PRKG1: variants seen among roughly 807,000 people sequenced by gnomAD.
The protein encoded by PRKG1 is protein kinase cGMP-dependent 1.
In PRKG1, 35 loss-of-function variants were observed where a neutral mutation model predicts 88.1. The ratio of observed to expected loss-of-function variants is 0.40; its 90% CI spans 0.30 to 0.53. PRKG1 has a LOEUF of 0.53. Ranked by LOEUF, PRKG1 falls within the 20% of genes least tolerant of loss-of-function variation. PRKG1 has a pLI of 0.59. For missense variants in PRKG1, 540 were observed against 839.8 expected (o/e 0.64, Z 4.41); for synonymous variants, 303 against 292.5 (o/e 1.04, Z -0.37).
At chr10:51,553,951 AAT>A (rs1481591839) in intron 3 of PRKG1, among the ~76,000 whole-genome samples, 1 of 130,220 alleles carries the variant, frequency 7.7e-6, no homozygotes, top group African/African-American at 3.0e-5. Flanking sequence ...ACGTGTATAT[AAT>A]ATATGTATGT....
rs567067649 is a variant in PRKG1 at position 51,671,649 on chromosome 10, C to T, written c.593-132936C>T. ...TCACCCAGGCTGGAGTGCAGTGGCA[C>T]GATTTCAGCTCACTGCAACCTCCAC... On this transcript the variant is annotated intron_variant, in intron 3 of 17. Transcript: ENST00000373980. Among the ~76,000 whole-genome samples, 4 of 151,052 alleles carry T rather than the reference C, an allele frequency of 2.6e-5. No homozygotes were observed. The South Asian group carries it at 6.3e-4, about 24-fold the overall frequency.
chr10:52,089,022 G>A (rs1017691605), intron 7 of PRKG1, among the ~76,000 whole-genome samples: 6 of 152,178 alleles, frequency 3.9e-5, no homozygotes, highest in African/African-American at 1.4e-4. Context: ...CAATGAACAC[G>A]TTATTTTTAG....
At chr10:51,314,505 T>C (rs934234401) in intron 2 of PRKG1, among the ~76,000 whole-genome samples, 2 of 152,242 alleles carry the variant, frequency 1.3e-5, no homozygotes, top group African/African-American at 4.8e-5. Context: ...AGCTAATTAC[T>C]AAGCAGTACA....
At chr10:52,195,633 GCT>G (rs1839484840) in intron 9 of PRKG1, among the ~76,000 whole-genome samples, 1 of 152,064 alleles carries the variant, frequency 6.6e-6, no homozygotes, top group African/African-American at 2.4e-5. Context: ...TTAAGCTAAG[GCT>G]TTTAAATTTG....
chr10:51,232,420 T>G (rs539847787), intron 2 of PRKG1, among the ~76,000 whole-genome samples: 14 of 152,302 alleles, frequency 9.2e-5, no homozygotes, highest in Middle Eastern at 3.4e-3. Context: ...TATGCTACTG[T>G]TTGAGATAGA....
intron 3 of PRKG1, among the ~76,000 whole-genome samples, chr10:51,543,047 T>G (rs1842350110): frequency 6.6e-6 from 1 of 152,168 alleles, no homozygotes; most frequent in Admixed American, 6.6e-5. Context: ...GAGTCAGATA[T>G]GTATTACTAC....
chr10:52,119,468 C>T (rs1211657657), intron 7 of PRKG1, among the ~76,000 whole-genome samples: 1 of 152,108 alleles, frequency 6.6e-6, no homozygotes, highest in African/African-American at 2.4e-5. Context: ...AGGTAAAAAT[C>T]CTTTGAAATA....
At position 51,727,069 on chromosome 10, in the gene PRKG1, G is replaced by T. The variant is rs113538261; in HGVS notation, c.593-77516G>T. Among the ~76,000 whole-genome samples the T allele has an allele frequency of 3.4e-3, 513 of 151,958 alleles. 4 individuals carry two copies. Among genetic ancestry groups the T allele is most frequent in the African/African-American group, 0.012 (494 of 41,456 alleles). ...GCTGGGATTACAGGTATGAGCCACC[G>T]CACCTGGCCTAGTCTGACATATTTT... On this transcript the variant is annotated intron_variant, in intron 3 of 17. Transcript: ENST00000373980.
At chr10:51,363,694 C>G (rs576444636) in intron 2 of PRKG1, among the ~76,000 whole-genome samples, 1 of 151,890 alleles carries the variant, frequency 6.6e-6, no homozygotes, top group South Asian at 2.1e-4. Context: ...TGGTAGGAGT[C>G]GTGAGTCTTT....
Position 51,457,445 on chromosome 10 carries a change from A to T in PRKG1, c.479-10278A>T, listed in dbSNP as rs571187718. 5.9e-5 allele frequency among the ~76,000 whole-genome samples: 9 copies of T among 152,316 alleles called. No homozygotes were observed. The East Asian group carries it at 1.7e-3, about 29-fold the overall frequency. ...TCAGTGGGGAGGGGGAAAGGCGGGA[A>T]GGAATAAGAGACTACATATTGGATG... is the stretch of plus-strand genomic sequence containing the variant. On this transcript the variant is annotated intron_variant, in intron 2 of 17. Coordinates refer to ENST00000373980, the MANE Select transcript of PRKG1 (RefSeq NM_006258.4).
chr10:51,416,240 G>T (rs115145131), intron 2 of PRKG1, among the ~76,000 whole-genome samples: 2,998 of 152,106 alleles, frequency 0.02, 92 homozygotes, highest in African/African-American at 0.068. Context: ...AAAATCCTTT[G>T]AAATAAATCA....
At chr10:51,238,260 G>A (rs180833745) in intron 2 of PRKG1, among the ~76,000 whole-genome samples, 102 of 152,186 alleles carry the variant, frequency 6.7e-4, no homozygotes, top group African/African-American at 2.2e-3. Context: ...GTACTTTATT[G>A]AGTTGCTATA....
chr10:52,248,141 C>T (rs1163755992), intron 9 of PRKG1, among the ~76,000 whole-genome samples: 4 of 152,190 alleles, frequency 2.6e-5, no homozygotes, highest in Admixed American at 2.0e-4. Context: ...GTTTTCCGCC[C>T]TGGGCGGGCC....
chr10:51,339,293 T>C (rs998400538), intron 2 of PRKG1, among the ~76,000 whole-genome samples: 1 of 152,126 alleles, frequency 6.6e-6, no homozygotes, highest in Non-Finnish European at 1.5e-5. Context: ...ACATGATCCA[T>C]ACCAGAGGAG....
In PRKG1 at chr10:52,286,294, C is replaced by T. The variant is rs187012340; in HGVS notation, c.1710-2432C>T. On this transcript the variant is annotated intron_variant, in intron 14 of 17. Coordinates refer to ENST00000373980, the MANE Select transcript of PRKG1 (RefSeq NM_006258.4). ...CCAAAAGATAGTATATCAAGAACTA[C>T]GTAGTTCTGAGGGTCAGAGAAGGTA... Among the ~76,000 whole-genome samples, 30 of 152,088 alleles carry T rather than the reference C, an allele frequency of 2.0e-4. No individual in the cohort carries two copies. In the East Asian group the frequency reaches 2.3e-3, roughly 12 times the overall value.
At chr10:52,183,738 G>A (rs1839108111) in intron 9 of PRKG1, among the ~76,000 whole-genome samples, 1 of 152,194 alleles carries the variant, frequency 6.6e-6, no homozygotes, top group African/African-American at 2.4e-5. Context: ...GCAACAGCTT[G>A]GCTTACAAAG....
rs1310885281 is a variant in PRKG1, at chr10:51,276,689, T to A, written c.478+123359T>A. Among the ~76,000 whole-genome samples the A allele has an allele frequency of 3.3e-5, 5 of 152,194 alleles. No individual in the cohort carries two copies. The South Asian group carries it at 1.0e-3, about 32-fold the overall frequency. On this transcript the variant is annotated intron_variant, in intron 2 of 17. Transcript: ENST00000373980. The stretch of plus-strand genomic sequence containing the variant: ...GTGTGAGATGGTATCTCACTGTGGT[T>A]TTGATTTGCATTTCTCTGATGACCA...
chr10:52,149,411 C>T (rs1224451446), intron 8 of PRKG1, among the ~76,000 whole-genome samples: 1 of 151,954 alleles, frequency 6.6e-6, no homozygotes, highest in Non-Finnish European at 1.5e-5. Context: ...TTATGTCCAC[C>T]CCAAATCCAT....
At chr10:51,229,926 C>CAAAAAAAAAAAAAAAA (rs35300789) in intron 2 of PRKG1, among the ~76,000 whole-genome samples, 5 of 33,554 alleles carry the variant, frequency 1.5e-4, no homozygotes, top group African/African-American at 2.5e-4. Context: ...GAGGCGATCT[C>CAAAAAAAAAAAAAAAA]AAAAAAAAAA....
Sources: allele counts gnomAD v4.1 joint callset (sites outside exome capture counted in the v4.1 genomes callset), GRCh38; gene constraint gnomAD v4.1.1; transcripts MANE v1.5; gene names NCBI Gene and HGNC (gene_info 2026-07-23, HGNC 2026-07-21).